Variants in CNTNAP2 observed in about 807,000 individuals in gnomAD.
CNTNAP2 encodes contactin associated protein 2, also known as contactin-associated protein-like 2.
In CNTNAP2, 98 loss-of-function variants were observed where a neutral mutation model predicts 155.2. The observed-to-expected ratio is 0.63, with a 90% CI of 0.54 to 0.75. The LOEUF is 0.75. Ranked by LOEUF, CNTNAP2 falls within the 30% of genes least tolerant of loss-of-function variation. The pLI is 0.00. For missense variants in CNTNAP2, 1,727 were observed against 1,688.1 expected, an observed-to-expected ratio of 1.02 and a Z score of -0.40; for synonymous variants, 651 against 631.2, an observed-to-expected ratio of 1.03 and a Z score of -0.47.
chr7:147,008,566 CAGG>C (rs901639149), intron 3 of CNTNAP2, among the ~76,000 whole-genome samples: 4 of 151,900 alleles, frequency 2.6e-5, no homozygotes, highest in African/African-American at 4.8e-5. Context: ...ATAAAAAAAA[CAGG>C]AGTTTTTTAA....
At position 147,420,244 on chromosome 7, in the gene CNTNAP2, T is replaced by TA. The variant is rs927874624; in HGVS notation, c.1670+24470dup. ...AAATGCCATCTCTATTGAGGTGTCA[T>TA]AAAAAATATTTCCTCCAGCAGCACC... On this transcript the variant is annotated intron_variant, in intron 10 of 23. Coordinates refer to ENST00000361727, the MANE Select transcript of CNTNAP2 (RefSeq NM_014141.6). 1.8e-4 allele frequency among the ~76,000 whole-genome samples: 28 copies of TA among 152,192 alleles called. 1 individual carries two copies. The highest frequency in any genetic ancestry group is 6.5e-4 in the African/African-American group (27 of 41,452).
chr7:148,364,630 ACT>A (rs957608386), intron 21 of CNTNAP2, among the ~76,000 whole-genome samples: 54 of 152,022 alleles, frequency 3.6e-4, no homozygotes, highest in African/African-American at 1.3e-3. Context: ...GTGTGTGGAA[ACT>A]CTGTATCTAA....
chr7:147,740,549 T>C (rs1563072685), intron 13 of CNTNAP2, among the ~76,000 whole-genome samples: 1 of 152,130 alleles, frequency 6.6e-6, no homozygotes, highest in Non-Finnish European at 1.5e-5. Context: ...AAAGAATGCA[T>C]TGTTAAGTTG....
At chr7:147,368,058 CCT>C (rs1411900939) in intron 9 of CNTNAP2, among the ~76,000 whole-genome samples, 3 of 77,116 alleles carry the variant, frequency 3.9e-5, no homozygotes, top group African/African-American at 1.1e-4. Flanking sequence ...TCCCTCCCTT[CCT>C]CTCTCTTTCT....
At chr7:147,912,762 GTTC>G (rs1217821697) in intron 14 of CNTNAP2, among the ~76,000 whole-genome samples, 1 of 152,160 alleles carries the variant, frequency 6.6e-6, no homozygotes, top group Non-Finnish European at 1.5e-5. Flanking sequence ...GGAAGAAGAA[GTTC>G]TTCTTCATCC....
At position 146,755,971 on chromosome 7, in the gene CNTNAP2, C is replaced by T. The variant is rs773188335; in HGVS notation, c.98-18300C>T. ...TTTCAATAAGTTTATGAATATGAAACGAAAGTGGATGACTGAAGGAATTTT... is the reference window on the plus strand; with the variant it reads ...TTTCAATAAGTTTATGAATATGAAATGAAAGTGGATGACTGAAGGAATTTT... On this transcript the variant is annotated intron_variant, in intron 1 of 23. Coordinates refer to ENST00000361727, the MANE Select transcript of CNTNAP2 (RefSeq NM_014141.6). 9.9e-5 allele frequency among the ~76,000 whole-genome samples: 15 copies of T among 151,784 alleles called. No homozygotes were observed. The Middle Eastern group carries it at 0.014, about 138-fold the overall frequency.
At chr7:147,247,659 T>TA (rs1385921530) in intron 8 of CNTNAP2, among the ~76,000 whole-genome samples, 3 of 152,158 alleles carry the variant, frequency 2.0e-5, no homozygotes, top group Admixed American at 6.6e-5. Context: ...ACATTGCTGT[T>TA]AAAAAAATCT....
Position 147,862,361 on chromosome 7 carries a change from C to T in CNTNAP2, c.2099-41204C>T, listed in dbSNP as rs375865380. On this transcript the variant is annotated intron_variant, in intron 13 of 23. Transcript: ENST00000361727. ...TCCAAGCATTCTATTTGGCTTGTGT[C>T]GTATCCAAGACCATCCGAAATCACA... 3.2e-4 allele frequency among the ~76,000 whole-genome samples: 49 copies of T among 151,564 alleles called. 1 individual carries two copies. The highest frequency in any genetic ancestry group is 1.0e-3 in the African/African-American group (42 of 41,238).
chr7:148,347,693 A>C (rs982260670), intron 21 of CNTNAP2, among the ~76,000 whole-genome samples: 6 of 152,246 alleles, frequency 3.9e-5, no homozygotes, highest in African/African-American at 1.4e-4. Context: ...GAGCCATTCT[A>C]TGTAGTGAAT....
At chr7:146,213,798 A>G (rs1032959032) in intron 1 of CNTNAP2, among the ~76,000 whole-genome samples, 7 of 152,178 alleles carry the variant, frequency 4.6e-5, no homozygotes, top group Non-Finnish European at 1.0e-4. Flanking sequence ...CTGTCAACCA[A>G]TGTCTGAATA....
Position 147,972,992 on chromosome 7 carries a change from C to CA in CNTNAP2, c.2256-4862dup, listed in dbSNP as rs202067565. Among the ~76,000 whole-genome samples, 173 of 151,006 alleles carry CA rather than the reference C, an allele frequency of 1.1e-3. 2 individuals are homozygous for CA. In the South Asian group the frequency reaches 0.024, roughly 21 times the overall value. ...AAAGCAAAAGCAAGACCTGTCTCTA[C>CA]AAAAAAAACATTTAAAACAGTGGGC... On this transcript the variant is annotated intron_variant, in intron 14 of 23. Transcript: ENST00000361727.
At chr7:146,936,725 A>G (rs1010187203) in intron 3 of CNTNAP2, among the ~76,000 whole-genome samples, 14 of 152,318 alleles carry the variant, frequency 9.2e-5, no homozygotes, top group African/African-American at 3.1e-4. Context: ...TCAACCAGTC[A>G]TAGACTGCTG....
At chr7:147,493,023 T>C in intron 11 of CNTNAP2, among the ~76,000 whole-genome samples, 1 of 152,320 alleles carries the variant, frequency 6.6e-6, no homozygotes, top group East Asian at 1.9e-4. Context: ...CTTTTTAAAT[T>C]CAGAAAATGT....
intron 17 of CNTNAP2, among the ~76,000 whole-genome samples, chr7:148,163,146 G>A (rs368431872): frequency 2.6e-5 from 4 of 152,322 alleles, no homozygotes; most frequent in South Asian, 4.1e-4. Flanking sequence ...CTTATATGAT[G>A]TAAGCCCAAA....
rs1471059859 is a variant in CNTNAP2, at chr7:148,415,635, T to C, written c.*19T>C. 3 of 1,613,886 alleles carry C rather than the reference T, an allele frequency of 1.9e-6. No individual in the cohort carries two copies. The highest frequency in any genetic ancestry group is 1.3e-5 in the African/African-American group (1 of 74,896). On this transcript the variant is annotated 3_prime_UTR_variant, in exon 24 of 24. Coordinates refer to ENST00000361727, the MANE Select transcript of CNTNAP2 (RefSeq NM_014141.6). ...CATTTGAGGGGTGGCTACTTGGCTA[T>C]GGGATAGGGAGGAGGGAATTACTAG...
At chr7:147,472,520 G>A (rs1396876814) in intron 10 of CNTNAP2, among the ~76,000 whole-genome samples, 1 of 151,988 alleles carries the variant, frequency 6.6e-6, no homozygotes, top group Non-Finnish European at 1.5e-5. Context: ...GCCCAACAAC[G>A]ATTTTTAAAG....
intron 3 of CNTNAP2, among the ~76,000 whole-genome samples, chr7:146,882,860 A>G (rs1042173383): frequency 1.4e-4 from 22 of 152,214 alleles, no homozygotes; most frequent in African/African-American, 5.3e-4. Flanking sequence ...AATACAACTA[A>G]GCAAAGAGCT....
At chr7:147,530,950 G>A (rs891314591) in intron 11 of CNTNAP2, among the ~76,000 whole-genome samples, 2 of 152,174 alleles carry the variant, frequency 1.3e-5, no homozygotes, top group Admixed American at 6.6e-5. Context: ...CGGTTCCAAA[G>A]GGGAGAAATT....
intron 12 of CNTNAP2, among the ~76,000 whole-genome samples, chr7:147,631,951 G>A (rs1795093397): frequency 6.6e-6 from 1 of 152,092 alleles, no homozygotes; most frequent in African/African-American, 2.4e-5. Context: ...GCATCCGAAA[G>A]CAAATGCACC....
Sources: gnomAD v4.1 joint callset for allele counts (sites outside exome capture counted in the v4.1 genomes callset) on GRCh38, gnomAD v4.1.1 for gene constraint, MANE v1.5 for transcripts, NCBI Gene and HGNC (gene_info 2026-07-23, HGNC 2026-07-21) for gene names.